Variants in PLCL2 observed in about 807,000 individuals in gnomAD.
PLCL2 encodes inactive phospholipase C-like protein 2.
Under a neutral mutation model 79.6 loss-of-function variants are expected in PLCL2, and 4 were observed. That is an observed-to-expected ratio of 0.05 (90% CI 0.02 to 0.11). The LOEUF (loss-of-function observed/expected upper bound fraction) is 0.11, where lower values mean the gene tolerates loss of function less well. PLCL2 is among the 10% of genes least tolerant of loss of function. PLCL2 has a pLI of 1.00. For missense variants in PLCL2, 895 were observed against 1,291.0 expected (o/e 0.69, Z 4.70); for synonymous variants, 484 against 457.7 (o/e 1.06, Z -0.73).
At chr3:16,951,812 T>C (rs989154361) in intron 1 of PLCL2, among the ~76,000 whole-genome samples, 2 of 151,856 alleles carry the variant, frequency 1.3e-5, no homozygotes, top group African/African-American at 4.9e-5. Flanking sequence ...TAGAATTCTT[T>C]GAGTTGTTTA....
chr3:16,917,064 C>G (rs535822412), intron 1 of PLCL2, among the ~76,000 whole-genome samples: 1 of 152,304 alleles, frequency 6.6e-6, no homozygotes, highest in East Asian at 1.9e-4. Context: ...CTCTTCCTTC[C>G]CTGGCCCAGC....
At chr3:16,902,379 T>G (rs1179399938) in intron 1 of PLCL2, among the ~76,000 whole-genome samples, 1 of 152,168 alleles carries the variant, frequency 6.6e-6, no homozygotes, top group African/African-American at 2.4e-5. Context: ...AATTAAACAA[T>G]TGCGTGATTT....
chr3:17,019,027 T>C lies in PLCL2; in HGVS notation c.3018+4116T>C, dbSNP rs80168365. Among the ~76,000 whole-genome samples, 976 of 152,224 alleles carry C rather than the reference T, an allele frequency of 6.4e-3. 11 individuals are homozygous for C. The highest frequency in any genetic ancestry group is 0.023 in the African/African-American group (935 of 41,512). On this transcript the variant is annotated intron_variant, in intron 3 of 5. Coordinates refer to ENST00000615277, the MANE Select transcript of PLCL2 (RefSeq NM_001144382.2). ...AAGATGATAGACAATAGATAGTAAA[T>C]AGATATTTTAAAATATATAAATGAA...
intron 1 of PLCL2, among the ~76,000 whole-genome samples, chr3:16,932,843 G>A (rs1042119827): frequency 6.6e-5 from 10 of 152,230 alleles, no homozygotes; most frequent in African/African-American, 2.4e-4. Flanking sequence ...GTCTTGCCAT[G>A]ATGGCTGTTC....
At chr3:16,968,362 G>A (rs938971771) in intron 1 of PLCL2, among the ~76,000 whole-genome samples, 4 of 152,102 alleles carry the variant, frequency 2.6e-5, no homozygotes, top group African/African-American at 7.2e-5. Context: ...CCTTTGGTCA[G>A]TAGGTCCATT....
chr3:16,982,042 T>C (rs1041721855), intron 1 of PLCL2, among the ~76,000 whole-genome samples: 9 of 152,198 alleles, frequency 5.9e-5, no homozygotes, highest in Admixed American at 2.6e-4. Context: ...CGTTTTCTGG[T>C]TAATAGTTTG....
intron 1 of PLCL2, among the ~76,000 whole-genome samples, chr3:16,984,570 A>G (rs1436804184): frequency 6.6e-6 from 1 of 152,150 alleles, no homozygotes; most frequent in Admixed American, 6.5e-5. Context: ...CATAATTGAC[A>G]TGGAAAGTCA....
chr3:16,959,896 G>A (rs1302499214), intron 1 of PLCL2, among the ~76,000 whole-genome samples: 15 of 152,072 alleles, frequency 9.9e-5, no homozygotes, highest in Admixed American at 9.8e-4. Context: ...ACGAGGTCAG[G>A]GGATCAAGAC....
intron 1 of PLCL2, among the ~76,000 whole-genome samples, chr3:16,971,640 G>A (rs941179502): frequency 7.2e-5 from 11 of 152,060 alleles, no homozygotes; most frequent in Admixed American, 2.0e-4. Context: ...TACCTTGGGC[G>A]ATATGGCCAT....
chr3:16,888,491 C>T (rs1349942633), intron 1 of PLCL2, among the ~76,000 whole-genome samples: 2 of 152,156 alleles, frequency 1.3e-5, no homozygotes, highest in Non-Finnish European at 1.5e-5. Context: ...TTGAAAATAA[C>T]GGTCGACTTT....
Position 16,885,347 on chromosome 3 carries a change from G to A in PLCL2, c.308G>A (p.Arg103His), listed in dbSNP as rs1696192777. Residue 103 changes from arginine (R) to histidine (H), a missense_variant, in exon 1 of 6, where the codon CGC (arginine) becomes CAC (histidine). Transcript: ENST00000615277. ...GAGAGCAAGCCGGGCGGCCTGCCCCGCCGGAGCAGCATCATCAAGGTAGGT... is the reference window on the plus strand; with the variant it reads ...GAGAGCAAGCCGGGCGGCCTGCCCCACCGGAGCAGCATCATCAAGGTAGGT... ...PRESKPGGLP[R>H]RSSIIKDGTK... The A allele has an allele frequency of 1.5e-6, 1 of 650,812 alleles. No individual in the cohort carries two copies. 40.3% of individuals were successfully genotyped at this position (650,812 alleles called of 1,614,324 possible).
rs1316408803 is a variant in PLCL2 at position 16,943,974 on chromosome 3, G to C, written c.327+58608G>C. On this transcript the variant is annotated intron_variant, in intron 1 of 5. Transcript: ENST00000615277. ...TTTAAGGTCACTTTTTATTACATATGGTTTCATGCCTTCAACTCATAGCTT... is the reference window on the plus strand; with the variant it reads ...TTTAAGGTCACTTTTTATTACATATCGTTTCATGCCTTCAACTCATAGCTT... Among the ~76,000 whole-genome samples the C allele has an allele frequency of 3.3e-5, 5 of 152,104 alleles. No individual in the cohort carries two copies. In the South Asian group the frequency reaches 8.3e-4, roughly 25 times the overall value.
chr3:16,940,344 G>T (rs779304232), intron 1 of PLCL2, among the ~76,000 whole-genome samples: 2 of 152,126 alleles, frequency 1.3e-5, no homozygotes, highest in Non-Finnish European at 2.9e-5. Context: ...ATCAAAAAAA[G>T]TTCAACTCTC....
chr3:16,968,824 AG>A (rs2063830580), intron 1 of PLCL2, among the ~76,000 whole-genome samples: 1 of 151,994 alleles, frequency 6.6e-6, no homozygotes, highest in Non-Finnish European at 1.5e-5. Flanking sequence ...GTCTTATTCC[AG>A]TTCTCAAGGA....
At chr3:16,941,202 C>G (rs1226475908) in intron 1 of PLCL2, among the ~76,000 whole-genome samples, 1 of 152,176 alleles carries the variant, frequency 6.6e-6, no homozygotes, top group Non-Finnish European at 1.5e-5. Flanking sequence ...ACATTTATCT[C>G]TATTGCCTGC....
intron 1 of PLCL2, among the ~76,000 whole-genome samples, chr3:16,954,543 G>A (rs4685408): frequency 0.56 from 84,334 of 151,462 alleles, 23,585 homozygotes; most frequent in South Asian, 0.64. Context: ...TATATACCCA[G>A]TAATGGGATG....
At chr3:17,060,962 G>A (rs1346604416) in intron 4 of PLCL2, among the ~76,000 whole-genome samples, 1 of 152,120 alleles carries the variant, frequency 6.6e-6, no homozygotes, top group Non-Finnish European at 1.5e-5. Context: ...TGAGAAAAGA[G>A]CTTTTTGGGA....
At chr3:17,088,015 T>G (rs1466265278) in intron 5 of PLCL2, among the ~76,000 whole-genome samples, 1 of 152,180 alleles carries the variant, frequency 6.6e-6, no homozygotes, top group African/African-American at 2.4e-5. Flanking sequence ...GTTCAGTGAC[T>G]AGTAAGAATG....
chr3:17,018,468 G>T (rs1428784764), intron 3 of PLCL2, among the ~76,000 whole-genome samples: 1 of 152,174 alleles, frequency 6.6e-6, no homozygotes, highest in African/African-American at 2.4e-5. Context: ...TCTTCCTCCA[G>T]TCAGCTTGTC....
Sources: gnomAD v4.1 joint callset for allele counts (sites outside exome capture counted in the v4.1 genomes callset) on GRCh38, gnomAD v4.1.1 for gene constraint, MANE v1.5 for transcripts, NCBI Gene and HGNC (gene_info 2026-07-23, HGNC 2026-07-21) for gene names.